CHN2: variants seen among roughly 807,000 people sequenced by gnomAD.
CHN2 encodes beta-chimaerin.
In CHN2, 35 loss-of-function variants were observed where a neutral mutation model predicts 56.3. The observed-to-expected ratio is 0.62, with a 90% CI of 0.47 to 0.82. CHN2 has a LOEUF of 0.82. Among genes scored for constraint, CHN2 ranks in the 40% least tolerant of loss-of-function variants. The pLI is 0.00. For synonymous variants in CHN2, 210 were observed against 212.8 expected (o/e 0.99, Z 0.12); for missense variants, 491 against 580.5 (o/e 0.85, Z 1.58).
At chr7:29,390,132 G>A (rs1475843423) in intron 3 of CHN2, among the ~76,000 whole-genome samples, 2 of 151,790 alleles carry the variant, frequency 1.3e-5, no homozygotes, top group African/African-American at 4.8e-5. Flanking sequence ...GCCTTGGGAA[G>A]GACCCATTTC....
At chr7:29,277,405 G>T (rs1791323114) in intron 1 of CHN2, among the ~76,000 whole-genome samples, 1 of 152,334 alleles carries the variant, frequency 6.6e-6, no homozygotes, top group South Asian at 2.1e-4. Flanking sequence ...GCAGGACAAA[G>T]GTAGGCAGGC....
In CHN2 at chr7:29,330,952, C is replaced by T. The variant is rs146441500; in HGVS notation, c.50-23673C>T. Among the ~76,000 whole-genome samples, 10 of 152,274 alleles carry T rather than the reference C, an allele frequency of 6.6e-5. No individual in the cohort carries two copies. In the East Asian group the frequency reaches 1.2e-3, roughly 18 times the overall value. On this transcript the variant is annotated intron_variant, in intron 1 of 12. Transcript: ENST00000222792. ...CTCTAAATTTAACCCATTTAAACATCGCAGTGGGGAGTGAATTTGCTTGTG... is the reference window on the plus strand; with the variant it reads ...CTCTAAATTTAACCCATTTAAACATTGCAGTGGGGAGTGAATTTGCTTGTG...
intron 1 of CHN2, among the ~76,000 whole-genome samples, chr7:29,315,810 A>AT (rs1190521731): frequency 6.6e-6 from 1 of 152,160 alleles, no homozygotes; most frequent in African/African-American, 2.4e-5. Flanking sequence ...AATACAGATG[A>AT]TTTTTTTAAA....
At chr7:29,360,100 G>A (rs1798610256) in intron 2 of CHN2, among the ~76,000 whole-genome samples, 2 of 152,336 alleles carry the variant, frequency 1.3e-5, no homozygotes, top group African/African-American at 2.4e-5. Context: ...GATCTGCAAT[G>A]TATCAAACCC....
chr7:29,449,244 G>A (rs1016647380), intron 6 of CHN2, among the ~76,000 whole-genome samples: 10 of 152,126 alleles, frequency 6.6e-5, no homozygotes, highest in African/African-American at 1.9e-4. Flanking sequence ...AAGGTGTGTT[G>A]GAATTAAGGT....
rs1784132764 is a variant in CHN2 at position 29,447,788 on chromosome 7, T to A, written c.577-32491T>A. Among the ~76,000 whole-genome samples, 4 of 152,206 alleles carry A rather than the reference T, an allele frequency of 2.6e-5. No individual in the cohort carries two copies. The South Asian group carries it at 8.3e-4, about 32-fold the overall frequency. On this transcript the variant is annotated intron_variant, in intron 6 of 12. Coordinates refer to ENST00000222792, the MANE Select transcript of CHN2 (RefSeq NM_004067.4). ...GTGATATGAGTGACAAGTGAAAACATTTCAAGTTGTGCACTTAAAATATGT... is the reference window on the plus strand; with the variant it reads ...GTGATATGAGTGACAAGTGAAAACAATTCAAGTTGTGCACTTAAAATATGT...
intron 1 of CHN2, among the ~76,000 whole-genome samples, chr7:29,198,684 G>A (rs890642836): frequency 6.6e-6 from 1 of 152,120 alleles, no homozygotes; most frequent in African/African-American, 2.4e-5. Context: ...TATATTCTGA[G>A]ATAAACAACG....
At chr7:29,411,085 A>G (rs949541774) in intron 6 of CHN2, among the ~76,000 whole-genome samples, 16 of 152,238 alleles carry the variant, frequency 1.1e-4, no homozygotes, top group Non-Finnish European at 2.2e-4. Flanking sequence ...ACTATTTAAC[A>G]TCAACTACAC....
At chr7:29,259,107 C>G (rs750837513) in intron 1 of CHN2, among the ~76,000 whole-genome samples, 1 of 151,504 alleles carries the variant, frequency 6.6e-6, no homozygotes, top group African/African-American at 2.4e-5. Context: ...GCATGCAGAT[C>G]ACTTGAACCC....
intron 2 of CHN2, among the ~76,000 whole-genome samples, chr7:29,171,745 C>G (rs1796636567): frequency 6.6e-6 from 1 of 152,162 alleles, no homozygotes. Context: ...CCAGAGAATG[C>G]ATTTTCATTT....
At chr7:29,350,266 G>A (rs1218862661) in intron 1 of CHN2, among the ~76,000 whole-genome samples, 1 of 151,564 alleles carries the variant, frequency 6.6e-6, no homozygotes, top group Non-Finnish European at 1.5e-5. Context: ...ATGACAAAGT[G>A]AACTAAATGA....
chr7:29,149,492 C>T (rs1196107737), intron 2 of CHN2, among the ~76,000 whole-genome samples: 1 of 152,004 alleles, frequency 6.6e-6, no homozygotes, highest in Non-Finnish European at 1.5e-5. Context: ...CCGTGCCCAG[C>T]CTGGAAATCC....
chr7:29,300,368 G>A (rs1354847301), intron 1 of CHN2, among the ~76,000 whole-genome samples: 1 of 152,186 alleles, frequency 6.6e-6, no homozygotes, highest in African/African-American at 2.4e-5. Context: ...AGTGACATAT[G>A]AGAAACAAAA....
chr7:29,345,534 G>T (rs541620046), intron 1 of CHN2, among the ~76,000 whole-genome samples: 1 of 152,096 alleles, frequency 6.6e-6, no homozygotes, highest in African/African-American at 2.4e-5. Flanking sequence ...GACTGGTATG[G>T]TCTTGGTGTG....
intron 9 of CHN2, among the ~76,000 whole-genome samples, chr7:29,500,526 G>A (rs529246327): frequency 1.3e-5 from 2 of 152,226 alleles, no homozygotes; most frequent in Non-Finnish European, 2.9e-5. Flanking sequence ...TACTCGAGAG[G>A]CTGAGGCATG....
At chr7:29,502,686 C>T (rs1307096458) in intron 9 of CHN2, among the ~76,000 whole-genome samples, 2 of 152,092 alleles carry the variant, frequency 1.3e-5, no homozygotes, top group Non-Finnish European at 2.9e-5. Context: ...AGGAAAATTA[C>T]CCCCATTTAA....
chr7:29,298,729 T>C (rs965012175), intron 1 of CHN2, among the ~76,000 whole-genome samples: 4 of 152,186 alleles, frequency 2.6e-5, no homozygotes, highest in African/African-American at 7.2e-5. Flanking sequence ...CAGCTGGAGA[T>C]TGCTGGTTGG....
At chr7:29,296,685 T>A (rs1793184100) in intron 1 of CHN2, among the ~76,000 whole-genome samples, 1 of 152,230 alleles carries the variant, frequency 6.6e-6, no homozygotes, top group Non-Finnish European at 1.5e-5. Flanking sequence ...GAATACTTTT[T>A]AAAAGTGCTT....
intron 1 of CHN2, among the ~76,000 whole-genome samples, chr7:29,238,908 C>T (rs1787421910): frequency 6.6e-6 from 1 of 152,158 alleles, no homozygotes; most frequent in Non-Finnish European, 1.5e-5. Flanking sequence ...GGGCAGTAGT[C>T]AGAAGGAAGT....
Sources: allele counts gnomAD v4.1 joint callset (sites outside exome capture counted in the v4.1 genomes callset), GRCh38; gene constraint gnomAD v4.1.1; transcripts MANE v1.5; gene names NCBI Gene and HGNC (gene_info 2026-07-23, HGNC 2026-07-21).